ACSS3: variants seen among roughly 807,000 people sequenced by gnomAD.
ACSS3 encodes the protein acyl-CoA synthetase short chain family member 3, also known as acyl-CoA synthetase short-chain family member 3, mitochondrial.
A neutral mutation model predicts 84.2 loss-of-function variants in ACSS3; 64 were observed. That is an observed-to-expected ratio of 0.76 (90% CI 0.62 to 0.94). The LOEUF is 0.94. ACSS3 is among the 40% of genes least tolerant of loss of function. The probability of loss-of-function intolerance (pLI) is 0.00; values close to 1 mark genes in which losing one functional copy is unlikely to be tolerated. For synonymous variants in ACSS3, 317 were observed against 310.1 expected (o/e 1.02, Z -0.23); for missense variants, 815 against 867.6 (o/e 0.94, Z 0.76).
intron 5 of ACSS3, among the ~76,000 whole-genome samples, chr12:81,146,680 A>C (rs552696639): frequency 1.3e-5 from 2 of 152,324 alleles, no homozygotes; most frequent in Non-Finnish European, 2.9e-5. Flanking sequence ...GCTTCTTTGC[A>C]TACATTTCTG....
chr12:81,113,532 T>A (rs1883779928), intron 2 of ACSS3, among the ~76,000 whole-genome samples: 1 of 152,164 alleles, frequency 6.6e-6, no homozygotes, highest in African/African-American at 2.4e-5. Context: ...TCTTCTAGAA[T>A]CTAAGTTCCA....
At chr12:81,206,402 A>G (rs1339651828) in intron 9 of ACSS3, among the ~76,000 whole-genome samples, 2 of 152,122 alleles carry the variant, frequency 1.3e-5, no homozygotes, top group Admixed American at 6.6e-5. Context: ...AATGCAAATA[A>G]TCTTTCAGTA....
chr12:81,129,799 C>T (rs1038173791), intron 2 of ACSS3, among the ~76,000 whole-genome samples: 10 of 133,032 alleles, frequency 7.5e-5, no homozygotes, highest in African/African-American at 2.8e-4. Context: ...TGATAGGCCC[C>T]CGTGTGTGAT....
chr12:81,136,015 CT>C (rs1461309163), intron 3 of ACSS3, among the ~76,000 whole-genome samples: 1 of 152,092 alleles, frequency 6.6e-6, no homozygotes, highest in Non-Finnish European at 1.5e-5. Flanking sequence ...TGCTATGTTC[CT>C]GACACTGTCT....
chr12:81,166,520 G>A (rs995032994), intron 7 of ACSS3, among the ~76,000 whole-genome samples: 1 of 152,152 alleles, frequency 6.6e-6, no homozygotes, highest in Non-Finnish European at 1.5e-5. Context: ...TAAATTGAGA[G>A]TTAGAAATTG....
intron 13 of ACSS3, among the ~76,000 whole-genome samples, chr12:81,242,532 A>G: frequency 6.6e-6 from 1 of 151,028 alleles, no homozygotes; most frequent in East Asian, 1.9e-4. Context: ...TCCTGATACC[A>G]AAGCTGGGCA....
In ACSS3 at chr12:81,256,115, C is replaced by A. The variant is rs1211583992; in HGVS notation, c.*1193C>A. 6.6e-6 allele frequency: 1 copy of A among 152,070 alleles called. No homozygotes were observed. The highest frequency in any genetic ancestry group is 2.4e-5 in the African/African-American group (1 of 41,410). 9.4% of individuals were successfully genotyped at this position (152,070 alleles called of 1,614,324 possible). On this transcript the variant is annotated 3_prime_UTR_variant, in exon 16 of 16. Transcript: ENST00000548058. ...AACTTAAGCCACTAGGTTTGAGGGA[C>A]AAAGGACAGTAGAAAATGGTGAAGA...
At position 81,259,864 on chromosome 12, in the gene ACSS3, A is replaced by G; in HGVS notation, c.*4942A>G. ...AATTTGGTGCAGGGGAGCTTAACAA[A>G]TAATAGAATTTGCTCAACTTTGTGG... On this transcript the variant is annotated 3_prime_UTR_variant, in exon 16 of 16. Coordinates refer to ENST00000548058, the MANE Select transcript of ACSS3 (RefSeq NM_024560.4). 7.4e-6 allele frequency: 3 copies of G among 402,772 alleles called. No homozygotes were observed. Among genetic ancestry groups the G allele is most frequent in the Non-Finnish European group, 1.3e-5 (3 of 226,762 alleles). 24.9% of individuals were successfully genotyped at this position (402,772 alleles called of 1,614,324 possible).
chr12:81,175,917 A>C (rs1565705132), intron 8 of ACSS3, among the ~76,000 whole-genome samples: 1 of 152,198 alleles, frequency 6.6e-6, no homozygotes, highest in Non-Finnish European at 1.5e-5. Flanking sequence ...TCTCAAATTA[A>C]CAATGTAATG....
At chr12:81,181,747 C>CAAAAAAAAAAAAAAAAAAAAAA (rs59878486) in intron 8 of ACSS3, among the ~76,000 whole-genome samples, 4 of 47,904 alleles carry the variant, frequency 8.4e-5, no homozygotes, top group Non-Finnish European at 1.1e-4. Context: ...ATCAATTAAG[C>CAAAAAAAAAAAAAAAAAAAAAA]AAAAAAAAAA....
chr12:81,137,612 A>G (rs576009399), intron 3 of ACSS3, among the ~76,000 whole-genome samples: 2 of 152,352 alleles, frequency 1.3e-5, no homozygotes, highest in South Asian at 2.1e-4. Context: ...TCTAGACTCA[A>G]TAAGATCTCC....
intron 10 of ACSS3, among the ~76,000 whole-genome samples, chr12:81,219,265 C>T (rs1250195160): frequency 6.6e-6 from 1 of 152,054 alleles, no homozygotes; most frequent in Non-Finnish European, 1.5e-5. Context: ...ACTGTCAATA[C>T]AGAATTTTAA....
chr12:81,179,678 G>A (rs1358892149), intron 8 of ACSS3, among the ~76,000 whole-genome samples: 1 of 150,826 alleles, frequency 6.6e-6, no homozygotes, highest in Non-Finnish European at 1.5e-5. Context: ...GGCTGAGGCA[G>A]GAGAATGGCG....
intron 7 of ACSS3, among the ~76,000 whole-genome samples, chr12:81,164,745 C>T (rs1887320472): frequency 6.6e-6 from 1 of 152,142 alleles, no homozygotes; most frequent in Admixed American, 6.5e-5. Flanking sequence ...ATTTTACCTA[C>T]ATGGAGGTAG....
intron 5 of ACSS3, among the ~76,000 whole-genome samples, chr12:81,143,875 G>A (rs931281151): frequency 6.6e-6 from 1 of 152,126 alleles, no homozygotes; most frequent in East Asian, 1.9e-4. Flanking sequence ...TCATTGATGC[G>A]TCAAATAGCA....
chr12:81,243,209 C>G (rs2033869744), intron 13 of ACSS3, among the ~76,000 whole-genome samples: 1 of 152,080 alleles, frequency 6.6e-6, no homozygotes. Context: ...TTCTTATACA[C>G]CAATAACAGA....
chr12:81,142,991 C>T, intron 4 of ACSS3, 116 bp from the exon 5 acceptor site: 1 of 932,236 alleles, frequency 1.1e-6, no homozygotes, highest in Non-Finnish European at 1.5e-6. Context: ...ATGTTCAGTG[C>T]CATATAGGCC....
chr12:81,204,205 A>G (rs2032238156), intron 9 of ACSS3, among the ~76,000 whole-genome samples: 1 of 152,136 alleles, frequency 6.6e-6, no homozygotes, highest in Non-Finnish European at 1.5e-5. Context: ...TAGTACAAAA[A>G]AAAGATTTGT....
chr12:81,116,847 C>T (rs1884084111), intron 2 of ACSS3, among the ~76,000 whole-genome samples: 1 of 152,048 alleles, frequency 6.6e-6, no homozygotes, highest in Admixed American at 6.6e-5. Flanking sequence ...GTATCACTTG[C>T]CATCACATTG....
Sources: allele counts gnomAD v4.1 joint callset (sites outside exome capture counted in the v4.1 genomes callset), GRCh38; gene constraint gnomAD v4.1.1; transcripts MANE v1.5; gene names NCBI Gene and HGNC (gene_info 2026-07-23, HGNC 2026-07-21).